CNTNAP2: variants seen among roughly 807,000 people sequenced by gnomAD.
CNTNAP2 encodes the protein contactin associated protein 2.
In CNTNAP2, 98 loss-of-function variants were observed where a neutral mutation model predicts 155.2. The observed-to-expected ratio is 0.63, with a 90% CI of 0.54 to 0.75. CNTNAP2 has a LOEUF of 0.75. CNTNAP2 is among the 30% of genes least tolerant of loss of function. CNTNAP2 has a pLI of 0.00. For synonymous variants in CNTNAP2, 651 were observed against 631.2 expected, an observed-to-expected ratio of 1.03 and a Z score of -0.47; for missense variants, 1,727 against 1,688.1, an observed-to-expected ratio of 1.02 and a Z score of -0.40.
chr7:147,014,443 G>C (rs568884715), intron 3 of CNTNAP2, among the ~76,000 whole-genome samples: 1 of 151,990 alleles, frequency 6.6e-6, no homozygotes, highest in East Asian at 1.9e-4. Flanking sequence ...GAAATGTTTA[G>C]TACATCATCC....
intron 13 of CNTNAP2, among the ~76,000 whole-genome samples, chr7:147,644,103 G>C (rs1795327521): frequency 6.6e-6 from 1 of 152,124 alleles, no homozygotes; most frequent in African/African-American, 2.4e-5. Context: ...AAAATAAAAA[G>C]TTATTTTATT....
intron 1 of CNTNAP2, among the ~76,000 whole-genome samples, chr7:146,734,433 A>G (rs1801576956): frequency 6.6e-6 from 1 of 152,176 alleles, no homozygotes; most frequent in African/African-American, 2.4e-5. Flanking sequence ...CATAAAGTAT[A>G]TCTGAAGATT....
intron 16 of CNTNAP2, among the ~76,000 whole-genome samples, chr7:148,145,819 G>T (rs1453603907): frequency 6.6e-6 from 1 of 152,160 alleles, no homozygotes; most frequent in Non-Finnish European, 1.5e-5. Context: ...GTTCAATCCA[G>T]TCCCAATGAC....
intron 3 of CNTNAP2, among the ~76,000 whole-genome samples, chr7:146,935,878 T>C (rs922151022): frequency 1.3e-5 from 2 of 152,300 alleles, no homozygotes; most frequent in Non-Finnish European, 2.9e-5. Flanking sequence ...ATGGAGACCC[T>C]AGTAGGGACC....
At chr7:147,474,474 T>C (rs1260131920) in intron 10 of CNTNAP2, among the ~76,000 whole-genome samples, 2 of 151,902 alleles carry the variant, frequency 1.3e-5, no homozygotes, top group African/African-American at 4.8e-5. Context: ...TCCCAGCTAC[T>C]CAGGAGGCTG....
intron 1 of CNTNAP2, among the ~76,000 whole-genome samples, chr7:146,583,469 C>T (rs1233228370): frequency 6.6e-6 from 1 of 152,032 alleles, no homozygotes; most frequent in African/African-American, 2.4e-5. Context: ...AGGAAGGCAA[C>T]GACGGCTCAC....
chr7:147,017,828 A>G (rs1798751156), intron 3 of CNTNAP2, among the ~76,000 whole-genome samples: 1 of 152,090 alleles, frequency 6.6e-6, no homozygotes, highest in African/African-American at 2.4e-5. Context: ...AAAATAAAAG[A>G]TATGAGAGAA....
intron 13 of CNTNAP2, among the ~76,000 whole-genome samples, chr7:147,809,021 A>T (rs1563096995): frequency 6.6e-6 from 1 of 151,992 alleles, no homozygotes. Context: ...GGCTTTTAGG[A>T]GAGGTTCTCA....
At chr7:146,302,476 T>G (rs912945177) in intron 1 of CNTNAP2, among the ~76,000 whole-genome samples, 8 of 152,178 alleles carry the variant, frequency 5.3e-5, no homozygotes, top group Non-Finnish European at 1.2e-4. Flanking sequence ...ATTTCAGAGA[T>G]AGTATTAAAT....
At chr7:147,938,110 G>A (rs953348537) in intron 14 of CNTNAP2, among the ~76,000 whole-genome samples, 5 of 152,052 alleles carry the variant, frequency 3.3e-5, no homozygotes, top group South Asian at 2.1e-4. Flanking sequence ...TGTCTGACTC[G>A]AATTTCATTT....
intron 10 of CNTNAP2, among the ~76,000 whole-genome samples, chr7:147,474,119 T>C (rs1026025561): frequency 6.6e-6 from 1 of 151,628 alleles, no homozygotes; most frequent in Non-Finnish European, 1.5e-5. Context: ...AAAAATAAAG[T>C]TTTGTTTTTA....
chr7:147,745,134 C>T (rs13236705), intron 13 of CNTNAP2, among the ~76,000 whole-genome samples: 88,452 of 152,094 alleles, frequency 0.58, 28,524 homozygotes, highest in East Asian at 0.9. Context: ...CTTCCTTCTG[C>T]AGTGAAATTG....
At chr7:147,643,932 G>A (rs902293320) in intron 13 of CNTNAP2, among the ~76,000 whole-genome samples, 1 of 152,024 alleles carries the variant, frequency 6.6e-6, no homozygotes, top group Admixed American at 6.5e-5. Flanking sequence ...TACAAGGATA[G>A]TAATACATGC....
intron 21 of CNTNAP2, among the ~76,000 whole-genome samples, chr7:148,305,030 C>T (rs573084540): frequency 1.5e-5 from 2 of 136,146 alleles, no homozygotes; most frequent in East Asian, 4.3e-4. Context: ...ACCTGGGCAA[C>T]ATAGTGTGAG....
intron 10 of CNTNAP2, among the ~76,000 whole-genome samples, chr7:147,454,672 G>T (rs576031374): frequency 1.3e-5 from 2 of 151,858 alleles, no homozygotes; most frequent in Non-Finnish European, 2.9e-5. Flanking sequence ...ACATGAAAAT[G>T]TCTAAAAGAA....
chr7:146,867,452 T>A (rs1354937707), intron 3 of CNTNAP2, among the ~76,000 whole-genome samples: 1 of 152,192 alleles, frequency 6.6e-6, no homozygotes, highest in Non-Finnish European at 1.5e-5. Flanking sequence ...TTCATATCTT[T>A]GCTATCATGA....
At chr7:147,634,024 A>G (rs553094789) in intron 12 of CNTNAP2, among the ~76,000 whole-genome samples, 16 of 152,330 alleles carry the variant, frequency 1.1e-4, no homozygotes, top group Non-Finnish European at 1.9e-4. Flanking sequence ...AGCTAGTACA[A>G]GCACTATGGA....
chr7:147,791,664 C>G (rs564445520), intron 13 of CNTNAP2, among the ~76,000 whole-genome samples: 1 of 152,234 alleles, frequency 6.6e-6, no homozygotes, highest in South Asian at 2.1e-4. Context: ...TCAGCATACT[C>G]ATGCATCCTC....
intron 3 of CNTNAP2, among the ~76,000 whole-genome samples, chr7:146,850,309 A>G (rs765039413): frequency 2.0e-5 from 3 of 152,208 alleles, no homozygotes; most frequent in Non-Finnish European, 4.4e-5. Context: ...CTTCACCAAT[A>G]TATTTTGATG....
Sources: allele counts gnomAD v4.1 joint callset (sites outside exome capture counted in the v4.1 genomes callset), GRCh38; gene constraint gnomAD v4.1.1; transcripts MANE v1.5; gene names NCBI Gene and HGNC (gene_info 2026-07-23, HGNC 2026-07-21).